SEM1: variants seen among roughly 807,000 people sequenced by gnomAD.
SEM1 encodes the protein SEM1 26S proteasome subunit.
In SEM1, 3 loss-of-function variants were observed where a neutral mutation model predicts 12.7. The ratio of observed to expected loss-of-function variants is 0.24; its 90% CI spans 0.11 to 0.61. The LOEUF (loss-of-function observed/expected upper bound fraction) is 0.61, where lower values mean the gene tolerates loss of function less well. Among genes scored for constraint, SEM1 ranks in the 20% least tolerant of loss-of-function variants. The pLI is 0.88. For missense variants in SEM1, 59 were observed against 81.3 expected (o/e 0.73, Z 1.06); for synonymous variants, 30 against 27.8 (o/e 1.08, Z -0.25).
intron 2 of SEM1, among the ~76,000 whole-genome samples, chr7:96,550,558 G>A (rs961673347): frequency 1.2e-4 from 18 of 152,066 alleles, no homozygotes; most frequent in African/African-American, 3.9e-4. Flanking sequence ...CAATGTACTG[G>A]TATGTCAGAA....
At chr7:96,584,325 G>C (rs192581744) in intron 2 of SEM1, among the ~76,000 whole-genome samples, 1 of 152,202 alleles carries the variant, frequency 6.6e-6, no homozygotes, top group Non-Finnish European at 1.5e-5. Context: ...TAAAGTTTCT[G>C]TCGAGAGATC....
intron 2 of SEM1, among the ~76,000 whole-genome samples, chr7:96,648,298 A>G (rs989212145): frequency 1.3e-5 from 2 of 152,190 alleles, no homozygotes; most frequent in Non-Finnish European, 2.9e-5. Context: ...TGGACATAGA[A>G]AGAAAAGGAG....
intron 3 of SEM1, among the ~76,000 whole-genome samples, chr7:96,503,022 T>G (rs2117271983): frequency 6.6e-6 from 1 of 152,310 alleles, no homozygotes; most frequent in Middle Eastern, 3.4e-3. Context: ...TGGCAAGGTC[T>G]TCTAACACCC....
At chr7:96,662,439 T>G (rs979409599) in intron 2 of SEM1, among the ~76,000 whole-genome samples, 4 of 152,116 alleles carry the variant, frequency 2.6e-5, no homozygotes, top group Non-Finnish European at 5.9e-5. Flanking sequence ...AAACACCGCA[T>G]GCTCTCACTC....
chr7:96,556,807 C>A (rs1010171677), intron 2 of SEM1, among the ~76,000 whole-genome samples: 10 of 136,230 alleles, frequency 7.3e-5, no homozygotes, highest in Non-Finnish European at 1.3e-4. Flanking sequence ...GTTCCATTCT[C>A]CCCATCACTT....
At chr7:96,586,519 A>C (rs1880511) in intron 2 of SEM1, among the ~76,000 whole-genome samples, 143,404 of 152,204 alleles carry the variant, frequency 0.94, 68,122 homozygotes, top group East Asian at 1. Context: ...CTCAATCCAC[A>C]CTGGGTCTGG....
At chr7:96,643,793 C>A (rs1431079320) in intron 2 of SEM1, among the ~76,000 whole-genome samples, 1 of 151,986 alleles carries the variant, frequency 6.6e-6, no homozygotes, top group Non-Finnish European at 1.5e-5. Context: ...CATCACACAC[C>A]AGGGCCTGTC....
At chr7:96,591,314 T>C (rs1244019310) in intron 2 of SEM1, among the ~76,000 whole-genome samples, 1 of 152,202 alleles carries the variant, frequency 6.6e-6, no homozygotes, top group Non-Finnish European at 1.5e-5. Context: ...TAAAAGACTT[T>C]CGGTTAACTT....
chr7:96,632,611 G>A (rs1000713865), intron 2 of SEM1, among the ~76,000 whole-genome samples: 1 of 151,976 alleles, frequency 6.6e-6, no homozygotes, highest in Admixed American at 6.6e-5. Context: ...CAGATGACAG[G>A]TTGATGGGTG....
chr7:96,604,995 T>C (rs1195222514), intron 2 of SEM1, among the ~76,000 whole-genome samples: 1 of 152,058 alleles, frequency 6.6e-6, no homozygotes, highest in Non-Finnish European at 1.5e-5. Flanking sequence ...AATCCAAGAT[T>C]GCCATGGTGA....
At chr7:96,674,798 A>G (rs1217582002) in intron 2 of SEM1, among the ~76,000 whole-genome samples, 1 of 152,246 alleles carries the variant, frequency 6.6e-6, no homozygotes, top group South Asian at 2.1e-4. Flanking sequence ...AATTTTGTGC[A>G]CAGAGGAAAC....
At position 96,662,395 on chromosome 7, in the gene SEM1, C is replaced by T. The variant is rs371130265; in HGVS notation, c.170+32403G>A. On this transcript the variant is annotated intron_variant, in intron 2 of 2. Coordinates refer to the SEM1 transcript ENST00000417009. ...GGACATGGATGAAGCTGGAAGCCAT[C>T]ATTCTTAGCAAACTAACACAGGAAC... 8.5e-5 allele frequency among the ~76,000 whole-genome samples: 13 copies of T among 152,252 alleles called. No individual in the cohort carries two copies. In the East Asian group the frequency reaches 2.3e-3, roughly 27 times the overall value.
chr7:96,589,619 T>C (rs1806765127), intron 2 of SEM1, among the ~76,000 whole-genome samples: 1 of 152,180 alleles, frequency 6.6e-6, no homozygotes, highest in Non-Finnish European at 1.5e-5. Flanking sequence ...ACATTTATAA[T>C]TTATAATGTT....
chr7:96,703,878 A>G (rs1790351370), intron 1 of SEM1, among the ~76,000 whole-genome samples: 1 of 151,828 alleles, frequency 6.6e-6, no homozygotes, highest in African/African-American at 2.4e-5. Flanking sequence ...AGGATCACTC[A>G]ATCCCAGGAG....
At chr7:96,540,264 A>C (rs1404164595) in intron 2 of SEM1, among the ~76,000 whole-genome samples, 1 of 151,672 alleles carries the variant, frequency 6.6e-6, no homozygotes, top group African/African-American at 2.4e-5. Flanking sequence ...GTGTTGAGAA[A>C]ATTGGATATT....
At chr7:96,527,947 C>G (rs1460471306) in intron 2 of SEM1, among the ~76,000 whole-genome samples, 4 of 152,072 alleles carry the variant, frequency 2.6e-5, no homozygotes, top group African/African-American at 9.7e-5. Context: ...TCTGCTTTTG[C>G]CAGTAATTCT....
chr7:96,516,354 T>A (rs1804096059), intron 2 of SEM1, among the ~76,000 whole-genome samples: 2 of 152,100 alleles, frequency 1.3e-5, no homozygotes, highest in Non-Finnish European at 2.9e-5. Context: ...AAGAGTGTTA[T>A]CCAAAATAGA....
upstream of SEM1, among the ~76,000 whole-genome samples, chr7:96,499,464 G>A (rs142192054): frequency 2.2e-4 from 33 of 152,284 alleles, no homozygotes; most frequent in Non-Finnish European, 2.9e-4. Flanking sequence ...GCAGTTGGCC[G>A]AATGTGACTC....
intron 2 of SEM1, among the ~76,000 whole-genome samples, chr7:96,609,237 C>G (rs1807472851): frequency 6.6e-6 from 1 of 152,150 alleles, no homozygotes; most frequent in Non-Finnish European, 1.5e-5. Flanking sequence ...GCCATTGCTT[C>G]TTAATCCAGT....
Sources: gnomAD v4.1 joint callset for allele counts (sites outside exome capture counted in the v4.1 genomes callset) on GRCh38, gnomAD v4.1.1 for gene constraint, MANE v1.5 for transcripts, NCBI Gene and HGNC (gene_info 2026-07-23, HGNC 2026-07-21) for gene names.